The following MAPK14 variants were observed in gnomAD, a reference collection of about 807,000 sequenced individuals.
The protein encoded by MAPK14 is CSAID-binding protein.
In MAPK14, 16 loss-of-function variants were observed where a neutral mutation model predicts 49.6. The ratio of observed to expected loss-of-function variants is 0.32; its 90% CI spans 0.22 to 0.49. The LOEUF is 0.49. Ranked by LOEUF, MAPK14 falls within the 20% of genes least tolerant of loss-of-function variation. MAPK14 has a pLI of 0.99. For synonymous variants in MAPK14, 142 were observed against 158.0 expected (o/e 0.90, Z 0.76); for missense variants, 200 against 441.2 (o/e 0.45, Z 4.90).
At chr6:36,078,970 A>C (rs1581801698) in intron 8 of MAPK14, among the ~76,000 whole-genome samples, 1 of 152,246 alleles carries the variant, frequency 6.6e-6, no homozygotes, top group East Asian at 1.9e-4. Flanking sequence ...CCTGGGGACC[A>C]CCCCAAAGAC....
intron 8 of MAPK14, among the ~76,000 whole-genome samples, chr6:36,086,587 C>T (rs922693389): frequency 1.3e-5 from 2 of 152,114 alleles, no homozygotes; most frequent in African/African-American, 4.8e-5. Flanking sequence ...ATATGACCTC[C>T]CAAGACTGAA....
chr6:36,110,734 A>G lies in MAPK14; in HGVS notation c.*2287A>G, dbSNP rs199502457. On this transcript the variant is annotated 3_prime_UTR_variant, in exon 12 of 12. Coordinates refer to ENST00000229794, the MANE Select transcript of MAPK14 (RefSeq NM_139012.3). ...AGGATGTCAGACAATACCACTGGTT[A>G]AAATAAAGCCTATTTTTCAAATTTA... 6.6e-5 allele frequency: 10 copies of G among 152,376 alleles called. No individual in the cohort carries two copies. The highest frequency in any genetic ancestry group is 2.0e-4 in the Admixed American group (3 of 15,310). The allele number at this position is 152,376 out of a possible 1,614,324, so 9.4% of individuals were successfully genotyped here. A position where few individuals can be genotyped will look rare whatever the true frequency, so the allele number is the denominator to read the frequency against.
Position 36,107,906 on chromosome 6 carries a change from G to A in MAPK14, c.1015+278G>A, listed in dbSNP as rs189602616. Among the ~76,000 whole-genome samples, 3 of 152,314 alleles carry A rather than the reference G, an allele frequency of 2.0e-5. No individual in the cohort carries two copies. Among genetic ancestry groups the A allele is most frequent in the Admixed American group, 1.3e-4 (2 of 15,296 alleles). Reference sequence around the variant, plus strand: ...CATTGCATTTACAACATCTCTCTGAGCTTTTACAGTTTTACAATTAGTAGA... The same window carrying A: ...CATTGCATTTACAACATCTCTCTGAACTTTTACAGTTTTACAATTAGTAGA... On this transcript the variant is annotated intron_variant, in intron 11 of 11. Coordinates refer to ENST00000229794, the MANE Select transcript of MAPK14 (RefSeq NM_139012.3). This position sits in a 1 kb window ranked among gnomAD's most constrained non-coding sequence, Gnocchi z 4.3.
At chr6:36,119,901 G>C in the MAPK14 span, among the ~76,000 whole-genome samples, 1 of 152,144 alleles carries the variant, frequency 6.6e-6, no homozygotes, top group Non-Finnish European at 1.5e-5. Context: ...GATCTATCTG[G>C]CATCGTTTAC....
chr6:36,079,312 G>C (rs1231066492), intron 8 of MAPK14, among the ~76,000 whole-genome samples: 1 of 152,056 alleles, frequency 6.6e-6, no homozygotes, highest in African/African-American at 2.4e-5. Flanking sequence ...AAAACCTTTG[G>C]AGAATGTATT....
the MAPK14 span, among the ~76,000 whole-genome samples, chr6:36,121,493 CA>C: frequency 3.2e-3 from 481 of 152,222 alleles, 2 homozygotes; most frequent in Non-Finnish European, 5.5e-3. Context: ...CAGCCCTGGG[CA>C]AGTGTGAGGG....
chr6:36,102,414 A>G (rs1765667700), intron 9 of MAPK14, among the ~76,000 whole-genome samples, 157 bp from the exon 10 acceptor site: 1 of 114,380 alleles, frequency 8.7e-6, no homozygotes, highest in Non-Finnish European at 1.8e-5. Context: ...GGAAGTTAGG[A>G]TGGCAGTAAG....
intron 9 of MAPK14, chr6:36,100,042 A>T (rs1485201459): frequency 1.6e-6 from 1 of 624,232 alleles, no homozygotes; most frequent in Non-Finnish European, 3.0e-6. Flanking sequence ...GTACTGTAGC[A>T]TGCAGCTGTG....
chr6:36,080,009 T>A (rs1221115547), intron 8 of MAPK14, among the ~76,000 whole-genome samples: 1 of 152,060 alleles, frequency 6.6e-6, no homozygotes, highest in Non-Finnish European at 1.5e-5. Context: ...AGTGGCATGA[T>A]CTTGGCTCAC....
At position 36,110,936 on chromosome 6, in the gene MAPK14, G is replaced by A. The variant is rs774574892; in HGVS notation, c.*2489G>A. 1.3e-5 allele frequency: 2 copies of A among 152,154 alleles called. No homozygotes were observed. Among genetic ancestry groups the A allele is most frequent in the Non-Finnish European group, 2.9e-5 (2 of 68,030 alleles). 9.4% of individuals were successfully genotyped at this position (152,154 alleles called of 1,614,324 possible). On this transcript the variant is annotated 3_prime_UTR_variant, in exon 12 of 12. Coordinates refer to ENST00000229794, the MANE Select transcript of MAPK14 (RefSeq NM_139012.3). Reference sequence around the variant, plus strand: ...TTAGTTGTACATTTTTTGGTGAAGAGTATCCAGGTCTTTGCTGTGGATGGG... The same window carrying A: ...TTAGTTGTACATTTTTTGGTGAAGAATATCCAGGTCTTTGCTGTGGATGGG...
At chr6:36,081,532 G>T (rs9394328) in intron 8 of MAPK14, among the ~76,000 whole-genome samples, 16,451 of 151,898 alleles carry the variant, frequency 0.11, 1,676 homozygotes, top group East Asian at 0.51. Flanking sequence ...TAGAAATTTG[G>T]TATATATAAT....
rs191761692 is a variant in MAPK14, at chr6:36,064,563, C to G, written c.305+5216C>G. Among the ~76,000 whole-genome samples, 6 of 152,252 alleles carry G rather than the reference C, an allele frequency of 3.9e-5. No individual in the cohort carries two copies. In the East Asian group the frequency reaches 1.2e-3, roughly 29 times the overall value. On this transcript the variant is annotated intron_variant, in intron 3 of 11. Coordinates refer to ENST00000229794, the MANE Select transcript of MAPK14 (RefSeq NM_139012.3). ...GACCTACAACAAGGCTATTCAGCAGCCTTTGTTTTAGTGAAAGCCAATGAG... is the reference window on the plus strand; with the variant it reads ...GACCTACAACAAGGCTATTCAGCAGGCTTTGTTTTAGTGAAAGCCAATGAG...
the MAPK14 span, among the ~76,000 whole-genome samples, chr6:36,122,252 TG>T: frequency 6.6e-6 from 1 of 152,232 alleles, no homozygotes; most frequent in South Asian, 2.1e-4. Flanking sequence ...GCCTCTGCCC[TG>T]GACAGGCAGG....
intron 1 of MAPK14, among the ~76,000 whole-genome samples, chr6:36,048,247 T>A (rs1395423118): frequency 6.6e-6 from 1 of 151,810 alleles, no homozygotes; most frequent in Non-Finnish European, 1.5e-5. Flanking sequence ...TTCACCATGT[T>A]GGCCAGACTG....
chr6:36,073,349 A>AT (rs1457706833), intron 4 of MAPK14, among the ~76,000 whole-genome samples: 1 of 152,322 alleles, frequency 6.6e-6, no homozygotes, highest in Non-Finnish European at 1.5e-5. Flanking sequence ...TAATGTTGAG[A>AT]TTTTCAAAAA....
the MAPK14 span, among the ~76,000 whole-genome samples, chr6:36,121,673 T>C: frequency 1.4e-4 from 21 of 152,336 alleles, no homozygotes; most frequent in African/African-American, 5.1e-4. Flanking sequence ...CTCTTATTTT[T>C]TTAGAGACAG....
chr6:36,040,886 C>T (rs1170874509), intron 1 of MAPK14, among the ~76,000 whole-genome samples: 1 of 152,162 alleles, frequency 6.6e-6, no homozygotes, highest in Non-Finnish European at 1.5e-5. Context: ...GAGAGCTGCA[C>T]ATAAACTAAG....
chr6:36,096,814 TG>T (rs1765461271), intron 9 of MAPK14: 1 of 152,222 alleles, frequency 6.6e-6, no homozygotes, highest in Non-Finnish European at 1.5e-5. Flanking sequence ...ACAGAAGCCA[TG>T]GGAATGTGAG....
rs1765865578 is a variant in MAPK14, at chr6:36,108,429, A to G, written c.1065A>G (p.Gln355=). Residue 355 remains glutamine (Q), a synonymous_variant, in exon 12 of 12, where the codon CAA becomes CAG. Coordinates refer to ENST00000229794, the MANE Select transcript of MAPK14 (RefSeq NM_139012.3). ...VISFVPPPLD[Q]EEMES ...GCTTTGTGCCACCACCCCTTGACCA[A>G]GAAGAGATGGAGTCCTGAGCACCTG... 2 of 1,613,838 alleles carry G rather than the reference A, an allele frequency of 1.2e-6. No homozygotes were observed. The highest frequency in any genetic ancestry group is 8.5e-7 in the Non-Finnish European group (1 of 1,179,884).
Sources: allele counts gnomAD v4.1 joint callset (sites outside exome capture counted in the v4.1 genomes callset), GRCh38; gene constraint gnomAD v4.1.1; non-coding constraint Gnocchi (gnomAD v3.1); transcripts MANE v1.5; gene names NCBI Gene and HGNC (gene_info 2026-07-23, HGNC 2026-07-21).